Variants in STPG2 observed in about 807,000 individuals in gnomAD.
The protein encoded by STPG2 is sperm-tail PG-rich repeat-containing protein 2.
In STPG2, 56 loss-of-function variants were observed where a neutral mutation model predicts 54.2. The observed-to-expected ratio is 1.03, with a 90% CI of 0.83 to 1.29. The LOEUF (loss-of-function observed/expected upper bound fraction) is 1.29. STPG2 is among the 50% of genes most tolerant of loss of function. STPG2 has a pLI of 0.00. For synonymous variants in STPG2, 200 were observed against 181.8 expected (o/e 1.10, Z -0.81); for missense variants, 596 against 544.9 (o/e 1.09, Z -0.93).
intron 9 of STPG2, among the ~76,000 whole-genome samples, chr4:97,824,378 A>G (rs931799195): frequency 3.3e-5 from 5 of 152,180 alleles, no homozygotes; most frequent in African/African-American, 4.8e-5. Flanking sequence ...AATTGAATGA[A>G]TGGTAAAAAT....
intron 5 of STPG2, among the ~76,000 whole-genome samples, chr4:98,080,554 A>G (rs1049829315): frequency 6.6e-6 from 1 of 152,238 alleles, no homozygotes; most frequent in African/African-American, 2.4e-5. Flanking sequence ...GAACACATGC[A>G]CCAAATATAC....
At chr4:97,745,185 C>G (rs141305615) in intron 9 of STPG2, among the ~76,000 whole-genome samples, 3 of 149,726 alleles carry the variant, frequency 2.0e-5, no homozygotes, top group African/African-American at 7.3e-5. Context: ...TAAGCTAGAA[C>G]TACTTTCAGT....
At position 97,493,501 on chromosome 4, in the gene STPG2, C is replaced by T. The variant is rs547427513; in HGVS notation, c.462+219198G>A. On this transcript the variant is annotated intron_variant, in intron 4 of 4. Transcript: ENST00000522676. ...TGGAGTTTTAAGGGAAGTGAGAAAA[C>T]TGCTATTGCCTGCAACAGATAAAAT... 9.4e-4 allele frequency among the ~76,000 whole-genome samples: 142 copies of T among 151,342 alleles called. 1 individual carries two copies. Among genetic ancestry groups the T allele is most frequent in the African/African-American group, 3.4e-3 (140 of 41,406 alleles).
At chr4:97,749,617 G>A (rs1385993076) in intron 9 of STPG2, among the ~76,000 whole-genome samples, 2 of 151,652 alleles carry the variant, frequency 1.3e-5, no homozygotes, top group Non-Finnish European at 3.0e-5. Flanking sequence ...GATCTCAGTT[G>A]ACCCGGAACA....
chr4:97,681,140 T>C (rs1286332729), intron 10 of STPG2, among the ~76,000 whole-genome samples: 1 of 151,886 alleles, frequency 6.6e-6, no homozygotes, highest in Non-Finnish European at 1.5e-5. Flanking sequence ...GAAATACAGA[T>C]GTAAAAAGAA....
intron 10 of STPG2, among the ~76,000 whole-genome samples, chr4:97,635,355 AG>A (rs1721474792): frequency 6.6e-6 from 1 of 152,238 alleles, no homozygotes. Context: ...AAACATGGAA[AG>A]GAACAACTGG....
rs544602396 is a variant in STPG2, at chr4:97,762,542, A to G, written c.1205-49728T>C. ...GTGCGCACCATTAACAAATATGCACACTTACTTCAATTATGGGACACATGT... is the reference window on the plus strand; with the variant it reads ...GTGCGCACCATTAACAAATATGCACGCTTACTTCAATTATGGGACACATGT... On this transcript the variant is annotated intron_variant, in intron 9 of 10. Coordinates refer to ENST00000295268, the MANE Select transcript of STPG2 (RefSeq NM_174952.3). Among the ~76,000 whole-genome samples the G allele has an allele frequency of 7.9e-5, 12 of 152,268 alleles. No homozygotes were observed. The Middle Eastern group carries it at 0.01, about 129-fold the overall frequency.
intron 10 of STPG2, among the ~76,000 whole-genome samples, chr4:97,560,473 T>C (rs1365795536): frequency 6.6e-6 from 1 of 152,136 alleles, no homozygotes; most frequent in African/African-American, 2.4e-5. Context: ...AAGAACTAGG[T>C]ACTCTTTGTA....
chr4:97,688,327 A>G (rs893080311), intron 10 of STPG2, among the ~76,000 whole-genome samples: 4 of 152,156 alleles, frequency 2.6e-5, no homozygotes, highest in Admixed American at 6.5e-5. Flanking sequence ...TAAGAAAACA[A>G]TTCAGAGTTT....
At chr4:97,561,074 A>C (rs1050947416) in intron 10 of STPG2, among the ~76,000 whole-genome samples, 11 of 152,082 alleles carry the variant, frequency 7.2e-5, no homozygotes, top group Non-Finnish European at 1.0e-4. Flanking sequence ...CCAACAGTGT[A>C]AAAGTGTTCC....
chr4:97,686,250 T>TTCTCTC (rs70953081), intron 10 of STPG2, among the ~76,000 whole-genome samples: 221 of 148,514 alleles, frequency 1.5e-3, no homozygotes, highest in African/African-American at 4.9e-3. Context: ...CTTTTCCTCT[T>TTCTCTC]TCTCTCTCTC....
intron 7 of STPG2, among the ~76,000 whole-genome samples, chr4:97,962,350 T>C (rs1733922697): frequency 6.6e-6 from 1 of 152,034 alleles, no homozygotes; most frequent in Non-Finnish European, 1.5e-5. Context: ...CCCAATAGCC[T>C]GTGGAAATTT....
At chr4:98,127,962 T>C (rs1739877089) in intron 3 of STPG2, among the ~76,000 whole-genome samples, 1 of 152,242 alleles carries the variant, frequency 6.6e-6, no homozygotes. Flanking sequence ...TTATACACTG[T>C]GGCAGAGACT....
intron 9 of STPG2, among the ~76,000 whole-genome samples, chr4:97,825,542 A>C (rs1728225427): frequency 6.6e-6 from 1 of 152,030 alleles, no homozygotes; most frequent in South Asian, 2.1e-4. Flanking sequence ...GGGACCCTTA[A>C]ATTCTAGAAA....
chr4:97,673,990 T>A (rs572060626), intron 10 of STPG2, among the ~76,000 whole-genome samples: 2 of 152,322 alleles, frequency 1.3e-5, no homozygotes, highest in South Asian at 4.1e-4. Context: ...AACATTGACC[T>A]AAAGGGTTTA....
chr4:98,026,273 A>T, intron 5 of STPG2: 2 of 775,512 alleles, frequency 2.6e-6, no homozygotes, highest in Non-Finnish European at 4.3e-6. Context: ...GCTAAACCAA[A>T]CAATTTTCTA....
intron 10 of STPG2, among the ~76,000 whole-genome samples, chr4:97,707,266 A>G (rs1368803015): frequency 6.6e-6 from 1 of 152,124 alleles, no homozygotes; most frequent in African/African-American, 2.4e-5. Context: ...CTTAACGCCT[A>G]TAATCTCAGC....
chr4:97,455,335 C>T (rs1290088705), intron 4 of STPG2, among the ~76,000 whole-genome samples: 4 of 152,052 alleles, frequency 2.6e-5, no homozygotes, highest in Non-Finnish European at 5.9e-5. Context: ...TGTTGCATTT[C>T]CCGAGACCAC....
intron 9 of STPG2, among the ~76,000 whole-genome samples, chr4:97,793,488 C>T (rs905079411): frequency 1.3e-5 from 2 of 151,616 alleles, no homozygotes; most frequent in African/African-American, 4.8e-5. Context: ...ACATATAAAA[C>T]TTCATGCCCA....
Sources: allele counts gnomAD v4.1 joint callset (sites outside exome capture counted in the v4.1 genomes callset), GRCh38; gene constraint gnomAD v4.1.1; transcripts MANE v1.5; gene names NCBI Gene and HGNC (gene_info 2026-07-23, HGNC 2026-07-21).